The following CSF2RB variants were observed in gnomAD, a reference collection of about 807,000 sequenced individuals.
CSF2RB encodes colony stimulating factor 2 receptor subunit beta, also known as cytokine receptor common subunit beta.
CSF2RB carries 22 observed loss-of-function variants against 67.2 expected under a neutral mutation model. That is an observed-to-expected ratio of 0.33 (90% CI 0.23 to 0.47). CSF2RB has a LOEUF of 0.47. Ranked by LOEUF, CSF2RB falls within the 20% of genes least tolerant of loss-of-function variation. CSF2RB has a pLI of 1.00. For missense variants in CSF2RB, 1,113 were observed against 1,174.5 expected, an observed-to-expected ratio of 0.95 and a Z score of 0.76; for synonymous variants, 507 against 482.9, an observed-to-expected ratio of 1.05 and a Z score of -0.65.
intron 1 of CSF2RB, among the ~76,000 whole-genome samples, chr22:36,921,286 GTGTGTATATT>G (rs769310388): frequency 8.3e-6 from 1 of 120,772 alleles, no homozygotes; most frequent in Non-Finnish European, 1.9e-5. Context: ...GTGTGTATAT[GTGTGTATATT>G]GTATGTATCT....
At chr22:36,917,931 A>C (rs1821721283) in intron 1 of CSF2RB, among the ~76,000 whole-genome samples, 1 of 152,124 alleles carries the variant, frequency 6.6e-6, no homozygotes. Flanking sequence ...TCAAAAAAAA[A>C]AAATAGTATT....
At chr22:36,922,494 G>T in intron 2 of CSF2RB, 1 of 605,946 alleles carries the variant, frequency 1.7e-6, no homozygotes. Context: ...AGCTGAGCGT[G>T]TCTGGCTTCC....
At chr22:36,923,403 G>A (rs746697642) in intron 3 of CSF2RB, 36 bp downstream of exon 3, 1 of 1,606,774 alleles carries the variant, frequency 6.2e-7, no homozygotes, top group East Asian at 2.3e-5. Context: ...ACGGGCAGGG[G>A]CTACGACGTC....
In CSF2RB at chr22:36,933,842, C is replaced by T; in HGVS notation, c.1163C>T (p.Thr388Ile). ...KDTATWKDSK[T>I]ETLQNAHSMA... The stretch of plus-strand genomic sequence containing the variant: ...AGTGCCAACCCACAGGACAGCAAGA[C>T]CGAGACCCTCCAGAACGCCCACAGC... The change falls in exon 10 of 14, where the codon ACC becomes ATC. Residue 388 changes from threonine to isoleucine, a missense_variant. By Grantham distance (89) the Thr-to-Ile change is moderately conservative. Coordinates refer to ENST00000403662, the MANE Select transcript of CSF2RB (RefSeq NM_000395.3). 2 of 1,608,198 alleles carry T rather than the reference C, an allele frequency of 1.2e-6. No individual in the cohort carries two copies. The highest frequency in any genetic ancestry group is 4.5e-5 in the East Asian group (2 of 44,828).
rs1941101138 is a variant in CSF2RB at position 36,929,494 on chromosome 22, C to T, written c.484C>T (p.His162Tyr). Residue 162 changes from histidine to tyrosine, a missense_variant, in exon 5 of 14, where the codon CAC becomes TAC. Around this residue, in one of 2 missense-constraint regions of CSF2RB, gnomAD observed 559 missense variants for 656.5 expected, o/e 0.85. Transcript: ENST00000403662. The stretch of plus-strand genomic sequence containing the variant: ...TGTGGCCCTTGGGAGTCCCCAGAGC[C>T]ACTGGTTGTCCCCAGGGGATCTGGA... The part of the protein sequence containing the change: ...WSVALGSPQS[H>Y]WLSPGDLEFE... The T allele has an allele frequency of 6.2e-7, 1 of 1,614,228 alleles. No individual in the cohort carries two copies. The highest frequency in any genetic ancestry group is 8.5e-7 in the Non-Finnish European group (1 of 1,180,036).
intron 3 of CSF2RB, among the ~76,000 whole-genome samples, chr22:36,924,999 G>A (rs780769793): frequency 3.9e-5 from 6 of 152,128 alleles, no homozygotes; most frequent in Non-Finnish European, 8.8e-5. Context: ...CCCTCCAGGC[G>A]TACTGGCCTC....
At chr22:36,923,868 T>A in intron 3 of CSF2RB, 3 of 1,071,486 alleles carry the variant, frequency 2.8e-6, no homozygotes, top group Non-Finnish European at 3.8e-6. Flanking sequence ...GCAAGCTGTG[T>A]GGACGTGTCT....
intron 1 of CSF2RB, among the ~76,000 whole-genome samples, chr22:36,916,624 G>A (rs1257107729): frequency 6.6e-6 from 1 of 152,138 alleles, no homozygotes; most frequent in Admixed American, 6.5e-5. Flanking sequence ...TTGGGAGGCT[G>A]AGGCAGGCAG....
intron 1 of CSF2RB, among the ~76,000 whole-genome samples, chr22:36,917,404 T>C (rs1353340338): frequency 6.6e-6 from 1 of 152,134 alleles, no homozygotes; most frequent in African/African-American, 2.4e-5. Flanking sequence ...CTTCATAAGC[T>C]TGGGAATGTT....
At chr22:36,925,527 C>G (rs116389538) in intron 3 of CSF2RB, among the ~76,000 whole-genome samples, 1 of 152,338 alleles carries the variant, frequency 6.6e-6, no homozygotes, top group Non-Finnish European at 1.5e-5. Context: ...ATCACACGCT[C>G]TACTCCCTGC....
At chr22:36,936,675 C>G (rs754584489) in intron 13 of CSF2RB, 23 bp downstream of exon 13, 1 of 1,596,864 alleles carries the variant, frequency 6.3e-7, no homozygotes, top group Non-Finnish European at 8.6e-7. Context: ...GTGGATCACT[C>G]CTGACCTTTG....
Position 36,935,338 on chromosome 22 carries a change from C to T in CSF2RB, c.1316-13C>T, listed in dbSNP as rs748493745. 6.2e-6 allele frequency: 10 copies of T among 1,613,552 alleles called. No individual in the cohort carries two copies. Among genetic ancestry groups the T allele is most frequent in the African/African-American group, 1.3e-5 (1 of 74,920 alleles). On this transcript the variant is annotated splice_polypyrimidine_tract_variant and intron_variant, in intron 10 of 13. Transcript: ENST00000403662. ...AGATGCTGACATTCCTCTTTCTCCCCGGCTGCTGGAAGTGCTGCCTATGTG... is the reference window on the plus strand; with the variant it reads ...AGATGCTGACATTCCTCTTTCTCCCTGGCTGCTGGAAGTGCTGCCTATGTG...
rs1056981557 is a variant in CSF2RB at position 36,937,003 on chromosome 22, G to A, written c.1568+351G>A. ...TGAGCCGGCAGCTGACCACCAACTC[G>A]GCAGGGAGAAGGGGGTGGCATGGTT... On this transcript the variant is annotated intron_variant, in intron 13 of 13. Coordinates refer to ENST00000403662, the MANE Select transcript of CSF2RB (RefSeq NM_000395.3). The surrounding 1 kb of genome is among the most constrained non-coding windows in gnomAD (Gnocchi z 4.6). Among the ~76,000 whole-genome samples the A allele has an allele frequency of 7.9e-5, 12 of 152,156 alleles. No individual in the cohort carries two copies. Among genetic ancestry groups the A allele is most frequent in the African/African-American group, 1.2e-4 (5 of 41,432 alleles).
chr22:36,929,317 C>G, intron 4 of CSF2RB, 85 bp from the exon 5 acceptor site: 3 of 1,591,550 alleles, frequency 1.9e-6, no homozygotes, highest in South Asian at 2.2e-5. Context: ...CCTGGAACCC[C>G]CTGTGTCCAC....
At chr22:36,921,109 GTA>G (rs1265859441) in intron 1 of CSF2RB, among the ~76,000 whole-genome samples, 1 of 115,230 alleles carries the variant, frequency 8.7e-6, no homozygotes, top group Non-Finnish European at 2.1e-5. Flanking sequence ...GTGTGTCTGT[GTA>G]TGTGTGCCTC....
At chr22:36,922,842 T>C (rs2145783229) in intron 2 of CSF2RB, 1 of 309,024 alleles carries the variant, frequency 3.2e-6, no homozygotes, top group African/African-American at 2.2e-5. Context: ...AGAGAGGAGG[T>C]GGGAGGTTGC....
rs956301768 is a variant in CSF2RB at position 36,937,531 on chromosome 22, G to A, written c.1723G>A (p.Ala575Thr). 6 of 1,613,760 alleles carry A rather than the reference G, an allele frequency of 3.7e-6. No individual in the cohort carries two copies. Among genetic ancestry groups the A allele is most frequent in the Non-Finnish European group, 5.1e-6 (6 of 1,179,874 alleles). ...CCCCAGCCCCCAGCCAGGCCCGCCT[G>A]CCGCCTCCCACACACCTGAGAAACA... Reference protein sequence around the residue: ...QPPSPQPGPPAASHTPEKQAS... With the variant: ...QPPSPQPGPPTASHTPEKQAS... Residue 575 changes from alanine to threonine, a missense_variant, in exon 14 of 14, where the codon GCC (alanine) becomes ACC (threonine). Ala to Thr is a moderately conservative substitution (Grantham distance 58). Coordinates refer to ENST00000403662, the MANE Select transcript of CSF2RB (RefSeq NM_000395.3). This position sits in a 1 kb window ranked among gnomAD's most constrained non-coding sequence, Gnocchi z 4.6.
At chr22:36,933,713 A>C in intron 9 of CSF2RB, 119 bp from the exon 10 acceptor site, 2 of 1,368,358 alleles carry the variant, frequency 1.5e-6, no homozygotes, top group Non-Finnish European at 2.0e-6. Context: ...GAGAAGCCGC[A>C]GCAGGCCTGG....
At position 36,937,340 on chromosome 22, in the gene CSF2RB, G is replaced by A. The variant is rs774301974; in HGVS notation, c.1569-37G>A. The A allele has an allele frequency of 9.9e-6, 16 of 1,608,778 alleles. No homozygotes were observed. In the Admixed American group the frequency reaches 2.0e-4, roughly 20 times the overall value. ...TGCCTGACCCGGATCATCTGCCCAG[G>A]GTGGTCCCAACTCTTCTGCCCATTT... On this transcript the variant is annotated intron_variant, in intron 13 of 13. Transcript: ENST00000403662. The surrounding 1 kb of genome is among the most constrained non-coding windows in gnomAD (Gnocchi z 4.6).
Sources: gnomAD v4.1 joint callset for allele counts (sites outside exome capture counted in the v4.1 genomes callset) on GRCh38, gnomAD v4.1.1 for gene constraint, gnomAD v4.1.1 regional missense constraint, Gnocchi (gnomAD v3.1) non-coding constraint, MANE v1.5 for transcripts, NCBI Gene and HGNC (gene_info 2026-07-23, HGNC 2026-07-21) for gene names.